The following DAP variants were observed in gnomAD, a reference collection of about 807,000 sequenced individuals.
DAP encodes death associated protein.
Under a neutral mutation model 13.8 loss-of-function variants are expected in DAP, and 8 were observed. The observed-to-expected ratio is 0.58, with a 90% CI of 0.34 to 1.05. The LOEUF (loss-of-function observed/expected upper bound fraction) is 1.05, where lower values mean the gene tolerates loss of function less well. Among genes scored for constraint, DAP ranks in the 50% least tolerant of loss-of-function variants. The pLI, the probability that DAP is intolerant of heterozygous loss-of-function variation, is 0.03. For synonymous variants in DAP, 47 were observed against 47.5 expected (o/e 0.99, Z 0.04); for missense variants, 106 against 133.2 (o/e 0.80, Z 1.01).
Position 10,744,657 on chromosome 5 carries a change from C to T in DAP, c.152+3518G>A, listed in dbSNP as rs147433677. Among the ~76,000 whole-genome samples the T allele has an allele frequency of 1.6e-3, 237 of 152,306 alleles. 1 individual carries two copies. The highest frequency in any genetic ancestry group is 5.4e-3 in the African/African-American group (224 of 41,568). ...GACAGACTCAAGGCTGAATCCTGGC[C>T]AGGCCAATGACCGACTACATATCAT... is the stretch of plus-strand genomic sequence containing the variant. On this transcript the variant is annotated intron_variant, in intron 2 of 3. Transcript: ENST00000230895.
chr5:10,746,332 T>G (rs907640198), intron 2 of DAP, among the ~76,000 whole-genome samples: 13 of 133,092 alleles, frequency 9.8e-5, no homozygotes, highest in South Asian at 9.2e-4. Context: ...GTTTTTTTTT[T>G]GTTTTTTTTT....
chr5:10,710,681 G>C (rs944800912), intron 2 of DAP, among the ~76,000 whole-genome samples: 1 of 152,252 alleles, frequency 6.6e-6, no homozygotes, highest in African/African-American at 2.4e-5. Flanking sequence ...CTGAAGGCAG[G>C]ACGTGCCTTG....
intron 3 of DAP, among the ~76,000 whole-genome samples, chr5:10,681,922 GC>G (rs1447353905): frequency 3.3e-5 from 5 of 151,548 alleles, no homozygotes; most frequent in African/African-American, 4.8e-5. Context: ...AGGAAGCATG[GC>G]GGTTGTATAT....
At chr5:10,689,034 C>T (rs182059563) in intron 2 of DAP, among the ~76,000 whole-genome samples, 10 of 152,318 alleles carry the variant, frequency 6.6e-5, no homozygotes, top group Admixed American at 2.6e-4. Flanking sequence ...TCCCTGCCCT[C>T]GGTGCTCCTC....
At chr5:10,692,130 C>T (rs986407881) in intron 2 of DAP, among the ~76,000 whole-genome samples, 1 of 152,192 alleles carries the variant, frequency 6.6e-6, no homozygotes, top group Non-Finnish European at 1.5e-5. Context: ...AACCCAAATT[C>T]ATAGTTTTAA....
At chr5:10,688,451 A>C (rs2126636843) in intron 2 of DAP, among the ~76,000 whole-genome samples, 1 of 152,318 alleles carries the variant, frequency 6.6e-6, no homozygotes, top group Admixed American at 6.5e-5. Flanking sequence ...GCTACAGTGG[A>C]GGGTAAACAT....
In DAP at chr5:10,761,069, GAC is replaced by G. The variant is rs1363182855; in HGVS notation, c.-3_-2del. The G allele has an allele frequency of 1.6e-6, 2 of 1,224,868 alleles. No individual in the cohort carries two copies. Among genetic ancestry groups the G allele is most frequent in the African/African-American group, 1.6e-5 (1 of 63,590 alleles). The allele number at this position is 1,224,868 out of a possible 1,614,324, so 75.9% of individuals were successfully genotyped here. On this transcript the variant is annotated 5_prime_UTR_variant, in exon 1 of 4. Coordinates refer to ENST00000230895, the MANE Select transcript of DAP (RefSeq NM_004394.3). ...GTTTCCCTTCGGGAGGCGAAGACATGACGCGGCGGGGCTTCCGCGGGGCCGAG... is the reference window on the plus strand; with the variant it reads ...GTTTCCCTTCGGGAGGCGAAGACATGGCGGCGGGGCTTCCGCGGGGCCGAG...
chr5:10,716,256 G>A (rs557286502), intron 2 of DAP, among the ~76,000 whole-genome samples: 22 of 152,346 alleles, frequency 1.4e-4, no homozygotes, highest in African/African-American at 5.3e-4. Context: ...GCGACTAAGA[G>A]AAATTGTGCT....
At chr5:10,748,146 A>C in intron 2 of DAP, 29 bp downstream of exon 2, 1 of 1,493,188 alleles carries the variant, frequency 6.7e-7, no homozygotes, top group Non-Finnish European at 9.3e-7. Flanking sequence ...TTTGGAAAAC[A>C]TGCTCAAGAG....
chr5:10,748,290 G>A lies in DAP; in HGVS notation c.56-19C>T. 1.9e-6 allele frequency: 3 copies of A among 1,607,402 alleles called. No homozygotes were observed. The highest frequency in any genetic ancestry group is 2.6e-6 in the Non-Finnish European group (3 of 1,173,942). ...GCTTTCACTGAAATGAAAACAGAGA[G>A]TGTGGGATTAATGTGGAAATGGGGC... On this transcript the variant is annotated intron_variant, in intron 1 of 3. Coordinates refer to ENST00000230895, the MANE Select transcript of DAP (RefSeq NM_004394.3).
rs1202193598 is a variant in DAP at position 10,707,608 on chromosome 5, G to A, written c.153-24037C>T. ...CAGTGTGATGTGATTTGTGAGCAGT[G>A]TGGTGCACAGGCGGCGTGATGTACA... On this transcript the variant is annotated intron_variant, in intron 2 of 3. Coordinates refer to ENST00000230895, the MANE Select transcript of DAP (RefSeq NM_004394.3). This position sits in a 1 kb window ranked among gnomAD's most constrained non-coding sequence, Gnocchi z 4.0. Among the ~76,000 whole-genome samples, 3 of 151,880 alleles carry A rather than the reference G, an allele frequency of 2.0e-5. No homozygotes were observed. The highest frequency in any genetic ancestry group is 6.6e-5 in the Admixed American group (1 of 15,256).
chr5:10,687,890 A>C (rs1035861339), intron 2 of DAP, among the ~76,000 whole-genome samples: 1 of 150,642 alleles, frequency 6.6e-6, no homozygotes, highest in African/African-American at 2.5e-5. Flanking sequence ...TCTATGTCAC[A>C]AACTTCATTG....
intron 3 of DAP, among the ~76,000 whole-genome samples, chr5:10,682,405 T>A (rs776645918): frequency 7.1e-6 from 1 of 141,844 alleles, no homozygotes; most frequent in Non-Finnish European, 1.5e-5. Context: ...GGTTTGTGGG[T>A]GAGGAAGCCC....
chr5:10,746,734 C>T (rs903351081), intron 2 of DAP, among the ~76,000 whole-genome samples: 5 of 152,184 alleles, frequency 3.3e-5, no homozygotes, highest in African/African-American at 7.2e-5. Context: ...CACTAATAAT[C>T]ACTCAGAAAT....
chr5:10,687,605 T>A (rs999594080), intron 2 of DAP, among the ~76,000 whole-genome samples: 7 of 152,194 alleles, frequency 4.6e-5, no homozygotes, highest in African/African-American at 1.7e-4. Context: ...AATCTTGTGA[T>A]TAAAATCCTC....
intron 2 of DAP, among the ~76,000 whole-genome samples, chr5:10,687,330 A>AT: frequency 6.6e-6 from 1 of 152,354 alleles, no homozygotes; most frequent in African/African-American, 2.4e-5. Flanking sequence ...GAAATAAGTA[A>AT]TTCCACTGGT....
chr5:10,704,827 C>T (rs1175358889), intron 2 of DAP, among the ~76,000 whole-genome samples: 1 of 152,140 alleles, frequency 6.6e-6, no homozygotes, highest in Non-Finnish European at 1.5e-5. Flanking sequence ...CATCACTGAC[C>T]TCCTTTTCAT....
At chr5:10,730,630 T>C (rs1166399797) in intron 2 of DAP, among the ~76,000 whole-genome samples, 69 of 106,336 alleles carry the variant, frequency 6.5e-4, no homozygotes, top group African/African-American at 8.9e-4. Context: ...TCTTTCTCTA[T>C]TGAGAGCCCT....
intron 2 of DAP, among the ~76,000 whole-genome samples, chr5:10,709,717 T>C (rs539537880): frequency 1.3e-3 from 194 of 152,310 alleles, no homozygotes; most frequent in African/African-American, 4.2e-3. Flanking sequence ...CTTGGAACTC[T>C]GCTGCACAGC....
Sources: gnomAD v4.1 joint callset for allele counts (sites outside exome capture counted in the v4.1 genomes callset) on GRCh38, gnomAD v4.1.1 for gene constraint, Gnocchi (gnomAD v3.1) non-coding constraint, MANE v1.5 for transcripts, NCBI Gene and HGNC (gene_info 2026-07-23, HGNC 2026-07-21) for gene names.